The following ARSG variants were observed in gnomAD, a reference collection of about 807,000 sequenced individuals.
ARSG encodes ASG.
ARSG carries 37 observed loss-of-function variants against 50.5 expected under a neutral mutation model. The ratio of observed to expected loss-of-function variants is 0.73; its 90% CI spans 0.56 to 0.96. The LOEUF is 0.96. Ranked by LOEUF, ARSG falls within the 50% of genes least tolerant of loss-of-function variation. The pLI is 0.00. For synonymous variants in ARSG, 225 were observed against 254.6 expected (o/e 0.88, Z 1.11); for missense variants, 629 against 675.3 (o/e 0.93, Z 0.76).
intron 2 of ARSG, among the ~76,000 whole-genome samples, chr17:68,331,667 AT>A (rs1355634074): frequency 1.3e-5 from 2 of 152,118 alleles, no homozygotes; most frequent in African/African-American, 2.4e-5. Flanking sequence ...TGGCCTGACT[AT>A]TGGGGGAAAC....
In ARSG at chr17:68,368,698, C is replaced by T; in HGVS notation, c.855C>T (p.Asp285=). The change falls in exon 7 of 12, where the codon GAC becomes GAT. Residue 285 remains aspartate, a synonymous_variant. Coordinates refer to ENST00000621439, the MANE Select transcript of ARSG (RefSeq NM_001267727.2). The part of the protein sequence containing the change: ...EMDSLVGQIK[D]KVDHTVKENT... ...ACAGTCTGGTGGGCCAGATCAAGGA[C>T]AAAGTTGACCACACAGTGAAGGAAA... The T allele has an allele frequency of 6.2e-7, 1 of 1,613,950 alleles. No individual in the cohort carries two copies. The highest frequency in any genetic ancestry group is 8.5e-7 in the Non-Finnish European group (1 of 1,179,984).
At chr17:68,312,687 C>T (rs1250936706) in intron 2 of ARSG, among the ~76,000 whole-genome samples, 2 of 152,138 alleles carry the variant, frequency 1.3e-5, no homozygotes, top group African/African-American at 2.4e-5. Flanking sequence ...GCCCTCTGGC[C>T]TGAGGTCGAC....
At chr17:68,435,748 C>T in the ARSG span, 29 of 1,592,022 alleles carry the variant, frequency 1.8e-5, no homozygotes, top group African/African-American at 5.4e-5. Flanking sequence ...ACAGATGCTG[C>T]GGAGGAGGGA....
intron 9 of ARSG, among the ~76,000 whole-genome samples, chr17:68,388,308 G>A (rs1159692396): frequency 6.6e-6 from 1 of 152,146 alleles, no homozygotes; most frequent in Non-Finnish European, 1.5e-5. Flanking sequence ...GGACTGTCCT[G>A]TGCGCTTTAT....
chr17:68,426,253 G>GGGGGGT, downstream of ARSG: 6 of 841,006 alleles, frequency 7.1e-6, 1 homozygote, highest in South Asian at 4.0e-5. Flanking sequence ...GGGGAGCGGG[G>GGGGGGT]GCTCAAATAA....
chr17:68,311,437 G>C (rs1204768036), intron 2 of ARSG, among the ~76,000 whole-genome samples: 1 of 152,182 alleles, frequency 6.6e-6, no homozygotes, highest in Non-Finnish European at 1.5e-5. Context: ...GGGTTGAATA[G>C]CATCCTCCCT....
intron 5 of ARSG, among the ~76,000 whole-genome samples, chr17:68,354,598 T>C (rs1489053425): frequency 6.6e-6 from 1 of 151,352 alleles, no homozygotes; most frequent in East Asian, 2.0e-4. Context: ...GATAATTCTT[T>C]TTCTCTTTTA....
At chr17:68,345,209 C>T (rs145766389) in intron 3 of ARSG, among the ~76,000 whole-genome samples, 2,397 of 152,336 alleles carry the variant, frequency 0.016, 22 homozygotes, top group Non-Finnish European at 0.024. Flanking sequence ...AAGTGGCTCA[C>T]GCCTGTAATC....
At chr17:68,451,733 T>A in the ARSG span, among the ~76,000 whole-genome samples, 1 of 152,114 alleles carries the variant, frequency 6.6e-6, no homozygotes, top group Non-Finnish European at 1.5e-5. Context: ...CCACCCCCTA[T>A]CTTGCTGTGC....
At chr17:68,351,073 G>T (rs1441137583) in intron 4 of ARSG, among the ~76,000 whole-genome samples, 1 of 151,974 alleles carries the variant, frequency 6.6e-6, no homozygotes, top group Non-Finnish European at 1.5e-5. Context: ...GATCACTCTT[G>T]TTGGCTCACC....
At chr17:68,355,520 A>G (rs968929150) in intron 5 of ARSG, among the ~76,000 whole-genome samples, 1 of 151,892 alleles carries the variant, frequency 6.6e-6, no homozygotes, top group Non-Finnish European at 1.5e-5. Flanking sequence ...CACCACGGCT[A>G]ATTTTTGTAT....
intron 2 of ARSG, among the ~76,000 whole-genome samples, chr17:68,322,356 C>T (rs994984740): frequency 3.9e-5 from 6 of 152,184 alleles, no homozygotes; most frequent in Admixed American, 1.3e-4. Context: ...TGGCCGGGCG[C>T]GGTGGCTCAT....
intron 2 of ARSG, among the ~76,000 whole-genome samples, chr17:68,315,328 G>A (rs1355012832): frequency 6.6e-6 from 1 of 152,066 alleles, no homozygotes; most frequent in African/African-American, 2.4e-5. Flanking sequence ...GATTGCTTGA[G>A]CTCAGGAGTT....
rs1372686704 is a variant in ARSG at position 68,277,756 on chromosome 17, A to C, written c.-552+18330A>C. Among the ~76,000 whole-genome samples the C allele has an allele frequency of 2.0e-5, 3 of 152,168 alleles. No homozygotes were observed. In the East Asian group the frequency reaches 5.8e-4, roughly 29 times the overall value. On this transcript the variant is annotated intron_variant, in intron 1 of 11. Transcript: ENST00000448504. ...AACTTTTTGATGTTGCTTCTTAGACAGTGACTATATCCTCACATCCTCACA... is the reference window on the plus strand; with the variant it reads ...AACTTTTTGATGTTGCTTCTTAGACCGTGACTATATCCTCACATCCTCACA...
At chr17:68,368,974 G>A (rs551623846) in intron 7 of ARSG, among the ~76,000 whole-genome samples, 2 of 152,350 alleles carry the variant, frequency 1.3e-5, no homozygotes, top group Admixed American at 1.3e-4. Context: ...CCACCTTGCT[G>A]GCCCGTTGTG....
At chr17:68,444,653 AATC>A in the ARSG span, 1 of 1,356,608 alleles carries the variant, frequency 7.4e-7, no homozygotes, top group South Asian at 1.3e-5. Flanking sequence ...ACCAAATCCA[AATC>A]ATTCATCTTT....
intron 5 of ARSG, among the ~76,000 whole-genome samples, chr17:68,356,122 T>A (rs895168077): frequency 2.0e-5 from 3 of 152,210 alleles, no homozygotes; most frequent in African/African-American, 7.2e-5. Context: ...CCTCAAGTGA[T>A]CTGCTGGCCT....
chr17:68,344,587 T>C (rs1047311960), intron 3 of ARSG, among the ~76,000 whole-genome samples: 38 of 152,256 alleles, frequency 2.5e-4, no homozygotes, highest in African/African-American at 8.4e-4. Context: ...AGAAGCTGCC[T>C]AACCTGGAGG....
In ARSG at chr17:68,271,214, T is replaced by C; in HGVS notation, c.-552+11788T>C. The C allele has an allele frequency of 2.5e-6, 4 of 1,614,046 alleles. No individual in the cohort carries two copies. Among genetic ancestry groups the C allele is most frequent in the Non-Finnish European group, 3.4e-6 (4 of 1,180,022 alleles). On this transcript the variant is annotated intron_variant, in intron 1 of 11. Transcript: ENST00000448504. The surrounding 1 kb of genome is among the most constrained non-coding windows in gnomAD (Gnocchi z 5.3). ...ATGCCCAGACTAATGCCCAGAGGAA[T>C]GATGTACAAGGAAGGTGCAAAGAAT... is the stretch of plus-strand genomic sequence containing the variant.
Sources: gnomAD v4.1 joint callset for allele counts (sites outside exome capture counted in the v4.1 genomes callset) on GRCh38, gnomAD v4.1.1 for gene constraint, Gnocchi (gnomAD v3.1) non-coding constraint, MANE v1.5 for transcripts, NCBI Gene and HGNC (gene_info 2026-07-23, HGNC 2026-07-21) for gene names.